The following FARSB variants were observed in gnomAD, a reference collection of about 807,000 sequenced individuals.
The protein encoded by FARSB is phenylalanine--tRNA ligase beta subunit.
A neutral mutation model predicts 69.6 loss-of-function variants in FARSB; 40 were observed. That is an observed-to-expected ratio of 0.57 (90% confidence interval 0.45 to 0.75). The LOEUF is 0.75. Ranked by LOEUF, FARSB falls within the 30% of genes least tolerant of loss-of-function variation. The pLI, the probability that FARSB is intolerant of heterozygous loss-of-function variation, is 0.00. For synonymous variants in FARSB, 235 were observed against 247.2 expected, an observed-to-expected ratio of 0.95 and a Z score of 0.46; for missense variants, 632 against 722.9, an observed-to-expected ratio of 0.87 and a Z score of 1.44.
chr2:222,624,147 G>T, intron 12 of FARSB, 125 bp downstream of exon 12: 1 of 688,486 alleles, frequency 1.5e-6, no homozygotes. Context: ...CACAGCAAAT[G>T]CCTCTCATTG....
chr2:222,596,104 T>C (rs1240715839), intron 16 of FARSB, among the ~76,000 whole-genome samples: 1 of 152,156 alleles, frequency 6.6e-6, no homozygotes, highest in Non-Finnish European at 1.5e-5. Context: ...AGTTGTTAAC[T>C]GCAAGGATGC....
Position 222,630,287 on chromosome 2 carries a change from G to A in FARSB, c.787-113C>T, listed in dbSNP as rs975304965. 24 of 560,856 alleles carry A rather than the reference G, an allele frequency of 4.3e-5. No homozygotes were observed. The Admixed American group carries it at 7.1e-4, about 17-fold the overall frequency. The allele number at this position is 560,856 out of a possible 1,614,324, so 34.7% of individuals were successfully genotyped here. On this transcript the variant is annotated intron_variant, in intron 8 of 16. Coordinates refer to ENST00000281828, the MANE Select transcript of FARSB (RefSeq NM_005687.5). ...GTCCTCACATCTAATGGACCTTTAC[G>A]TATACATTTTAAGAAAGGAAGTGGA...
At chr2:222,584,345 A>G (rs959102429) in intron 16 of FARSB, among the ~76,000 whole-genome samples, 4 of 152,228 alleles carry the variant, frequency 2.6e-5, no homozygotes, top group African/African-American at 9.6e-5. Context: ...TCCCCCCAAA[A>G]AAGTTTTAAA....
At position 222,634,676 on chromosome 2, in the gene FARSB, T is replaced by C. The variant is rs1346133823; in HGVS notation, c.456-135A>G. 6.8e-6 allele frequency: 4 copies of C among 591,260 alleles called. No homozygotes were observed. The East Asian group carries it at 1.2e-4, about 18-fold the overall frequency. The allele number at this position is 591,260 out of a possible 1,614,324, so 36.6% of individuals were successfully genotyped here. A position where few individuals can be genotyped will look rare whatever the true frequency, so the allele number is the denominator to read the frequency against. The stretch of plus-strand genomic sequence containing the variant: ...ACATATTTTTTTTAATTATTTCAGA[T>C]ACTTCCCTGAAACAGCATATTGCTA... On this transcript the variant is annotated intron_variant, in intron 5 of 16. Coordinates refer to ENST00000281828, the MANE Select transcript of FARSB (RefSeq NM_005687.5).
At chr2:222,641,883 C>T (rs28469483) in intron 3 of FARSB, among the ~76,000 whole-genome samples, 45,573 of 152,076 alleles carry the variant, frequency 0.3, 7,563 homozygotes, top group Non-Finnish European at 0.38. Flanking sequence ...CAGAATCTAG[C>T]CCATCAGTTA....
rs1313999642 is a variant in FARSB at position 222,624,263 on chromosome 2, C to A, written c.1170+9G>T. 1.3e-6 allele frequency: 2 copies of A among 1,557,220 alleles called. No homozygotes were observed. Among genetic ancestry groups the A allele is most frequent in the Admixed American group, 1.7e-5 (1 of 59,928 alleles). ...AATAAGGAGTGTTTATTTAAGGGTG[C>A]AATCTTACTTGATTAGCTATGGTGT... On this transcript the variant is annotated intron_variant, in intron 12 of 16. Transcript: ENST00000281828.
intron 16 of FARSB, among the ~76,000 whole-genome samples, chr2:222,577,669 A>AT (rs532845662): frequency 1.0e-3 from 156 of 152,374 alleles, no homozygotes; most frequent in African/African-American, 3.3e-3. Flanking sequence ...AATGTCTTCA[A>AT]TAAACAACCA....
chr2:222,579,596 A>T (rs924750454), intron 16 of FARSB, among the ~76,000 whole-genome samples: 11 of 152,240 alleles, frequency 7.2e-5, no homozygotes, highest in Non-Finnish European at 1.5e-4. Flanking sequence ...GAAATGTTAG[A>T]ACTTGTGGCA....
intron 5 of FARSB, among the ~76,000 whole-genome samples, chr2:222,639,313 C>A (rs1691657024): frequency 6.6e-6 from 1 of 152,126 alleles, no homozygotes. Flanking sequence ...ATACAGTATT[C>A]AAAATATACC....
chr2:222,625,618 G>A (rs1043935808), intron 10 of FARSB, among the ~76,000 whole-genome samples: 3 of 152,166 alleles, frequency 2.0e-5, no homozygotes, highest in African/African-American at 7.2e-5. Context: ...AAGATCCCCA[G>A]GTGATGAGAA....
At chr2:222,627,854 A>T (rs1273111701) in intron 10 of FARSB, among the ~76,000 whole-genome samples, 1 of 152,252 alleles carries the variant, frequency 6.6e-6, no homozygotes. Flanking sequence ...GATTTACTTC[A>T]TAAATGGCAA....
intron 10 of FARSB, among the ~76,000 whole-genome samples, chr2:222,625,747 G>A (rs1418356355): frequency 6.6e-6 from 1 of 152,218 alleles, no homozygotes; most frequent in African/African-American, 2.4e-5. Context: ...GCATTTTAAA[G>A]ATAATCTTAC....
chr2:222,624,929 T>C (rs1691230359), intron 10 of FARSB, among the ~76,000 whole-genome samples, 154 bp from the exon 11 acceptor site: 1 of 152,202 alleles, frequency 6.6e-6, no homozygotes, highest in South Asian at 2.1e-4. Flanking sequence ...AAAAACAGTA[T>C]TATGAGGGAT....
At chr2:222,619,615 C>T in intron 14 of FARSB, 30 bp downstream of exon 14, 1 of 1,126,552 alleles carries the variant, frequency 8.9e-7, no homozygotes, top group Non-Finnish European at 1.4e-6. Flanking sequence ...TAGGTTTTTA[C>T]ATGAATTCTC....
chr2:222,635,987 G>C (rs1017323764), intron 5 of FARSB, among the ~76,000 whole-genome samples: 12 of 151,664 alleles, frequency 7.9e-5, no homozygotes, highest in African/African-American at 2.9e-4. Flanking sequence ...GGCTGAAGTA[G>C]GAGGATCACT....
At chr2:222,620,536 G>T (rs548751859) in intron 13 of FARSB, among the ~76,000 whole-genome samples, 1 of 152,284 alleles carries the variant, frequency 6.6e-6, no homozygotes, top group African/African-American at 2.4e-5. Flanking sequence ...ACTCACTGAC[G>T]ATTAGATACA....
intron 5 of FARSB, among the ~76,000 whole-genome samples, chr2:222,638,807 T>C (rs577988496): frequency 2.2e-4 from 33 of 152,358 alleles, no homozygotes; most frequent in South Asian, 4.1e-4. Flanking sequence ...TTGAGACATA[T>C]ATAACTATCA....
intron 14 of FARSB, among the ~76,000 whole-genome samples, chr2:222,614,200 AAT>A (rs904055317): frequency 6.6e-6 from 1 of 152,188 alleles, no homozygotes; most frequent in African/African-American, 2.4e-5. Context: ...ATACAACCTA[AAT>A]ATGTTTGCTT....
chr2:222,624,003 C>A (rs1443778443), intron 12 of FARSB, among the ~76,000 whole-genome samples: 1 of 152,086 alleles, frequency 6.6e-6, no homozygotes, highest in Non-Finnish European at 1.5e-5. Flanking sequence ...TGCCTTCAGG[C>A]CCAAGTTGAG....
Sources: allele counts gnomAD v4.1 joint callset (sites outside exome capture counted in the v4.1 genomes callset), GRCh38; gene constraint gnomAD v4.1.1; transcripts MANE v1.5; gene names NCBI Gene and HGNC (gene_info 2026-07-23, HGNC 2026-07-21).